Variants in STIM1 observed in about 807,000 individuals in gnomAD.
STIM1 encodes the protein stromal interaction molecule 1.
A neutral mutation model predicts 74.7 loss-of-function variants in STIM1; 25 were observed. That is an observed-to-expected ratio of 0.33 (90% CI 0.24 to 0.47). STIM1 has a LOEUF of 0.47. STIM1 is among the 20% of genes least tolerant of loss of function. The probability of loss-of-function intolerance (pLI) is 1.00; values close to 1 mark genes in which losing one functional copy is unlikely to be tolerated. For missense variants in STIM1, 728 were observed against 920.8 expected (o/e 0.79, Z 2.71); for synonymous variants, 328 against 348.8 (o/e 0.94, Z 0.66).
At chr11:3,929,821 G>A (rs1480038474) in intron 1 of STIM1, among the ~76,000 whole-genome samples, 3 of 152,042 alleles carry the variant, frequency 2.0e-5, no homozygotes, top group Admixed American at 1.3e-4. Flanking sequence ...TGCATGTCTC[G>A]GGCCACAGGT....
At chr11:4,030,538 A>G (rs2094041182) in intron 3 of STIM1, among the ~76,000 whole-genome samples, 1 of 152,198 alleles carries the variant, frequency 6.6e-6, no homozygotes, top group African/African-American at 2.4e-5. Context: ...CATTAAAAAA[A>G]TTATTTTTCT....
chr11:3,880,420 A>G (rs1019297417), intron 1 of STIM1, among the ~76,000 whole-genome samples: 3 of 152,126 alleles, frequency 2.0e-5, no homozygotes, highest in South Asian at 2.1e-4. Flanking sequence ...CCGTCTCCCA[A>G]GTTTCCAGTG....
intron 1 of STIM1, among the ~76,000 whole-genome samples, chr11:3,873,328 G>A (rs1442915315): frequency 6.7e-6 from 1 of 148,684 alleles, no homozygotes; most frequent in Non-Finnish European, 1.5e-5. Flanking sequence ...TGAGGCAGGA[G>A]AATCGCTTGA....
chr11:3,897,373 A>T (rs1166375814), intron 1 of STIM1, among the ~76,000 whole-genome samples: 1 of 152,182 alleles, frequency 6.6e-6, no homozygotes, highest in African/African-American at 2.4e-5. Context: ...GCTTATTGCG[A>T]TGGAGAAGAT....
At chr11:3,874,953 T>C (rs1010785443) in intron 1 of STIM1, among the ~76,000 whole-genome samples, 8 of 152,098 alleles carry the variant, frequency 5.3e-5, no homozygotes, top group African/African-American at 1.9e-4. Context: ...TTAGAGTTTG[T>C]ATCTTTTTTT....
chr11:4,081,413 G>A (rs2094464764), intron 7 of STIM1, among the ~76,000 whole-genome samples: 1 of 152,228 alleles, frequency 6.6e-6, no homozygotes, highest in Non-Finnish European at 1.5e-5. Flanking sequence ...GGCAATGCCT[G>A]TGTTAGGTGT....
intron 1 of STIM1, among the ~76,000 whole-genome samples, chr11:3,909,795 GA>G (rs5789316): frequency 2.7e-4 from 38 of 140,790 alleles, no homozygotes; most frequent in African/African-American, 9.2e-4. Context: ...CCATCTCAAA[GA>G]AAAAAAAAAA....
intron 1 of STIM1, among the ~76,000 whole-genome samples, chr11:3,935,757 G>A (rs933731093): frequency 1.1e-4 from 16 of 152,338 alleles, no homozygotes; most frequent in Admixed American, 8.5e-4. Context: ...GTAATTAAAT[G>A]TCTGTGAAAA....
chr11:4,000,677 G>A (rs1213046973), intron 2 of STIM1, among the ~76,000 whole-genome samples: 18 of 151,722 alleles, frequency 1.2e-4, no homozygotes, highest in Non-Finnish European at 8.8e-5. Flanking sequence ...AAAGCAGAGC[G>A]CCTCTCCTCC....
intron 3 of STIM1, among the ~76,000 whole-genome samples, chr11:4,039,120 T>G (rs1035578708): frequency 6.6e-6 from 1 of 152,102 alleles, no homozygotes. Flanking sequence ...TATCCAAAGC[T>G]TAGTAATTTT....
At chr11:3,978,149 T>A (rs2093466635) in intron 2 of STIM1, among the ~76,000 whole-genome samples, 1 of 125,316 alleles carries the variant, frequency 8.0e-6, no homozygotes, top group South Asian at 2.4e-4. Flanking sequence ...GCCTGTGTAC[T>A]TTTTTTTTTT....
At chr11:3,866,091 TC>T (rs1482733225) in intron 1 of STIM1, among the ~76,000 whole-genome samples, 1 of 152,186 alleles carries the variant, frequency 6.6e-6, no homozygotes, top group African/African-American at 2.4e-5. Context: ...GACACAGAGT[TC>T]CAGCCCCAGA....
chr11:4,055,711 T>C, intron 4 of STIM1, 74 bp downstream of exon 4: 1 of 1,172,304 alleles, frequency 8.5e-7, no homozygotes, highest in Non-Finnish European at 1.2e-6. Context: ...TTCAGATTGC[T>C]CTGGCCAGTT....
At chr11:4,085,757 G>C (rs141951141) in intron 11 of STIM1, among the ~76,000 whole-genome samples, 1 of 152,314 alleles carries the variant, frequency 6.6e-6, no homozygotes, top group Non-Finnish European at 1.5e-5. Flanking sequence ...GAATTAAAAT[G>C]GGGAAGTCAG....
intron 2 of STIM1, among the ~76,000 whole-genome samples, chr11:3,991,460 C>T (rs1161740019): frequency 1.3e-5 from 2 of 151,850 alleles, no homozygotes; most frequent in African/African-American, 2.4e-5. Flanking sequence ...CGTGAATCAC[C>T]GTGCCTGGCC....
intron 2 of STIM1, among the ~76,000 whole-genome samples, chr11:4,003,610 T>C (rs1043453702): frequency 6.6e-6 from 1 of 152,144 alleles, no homozygotes; most frequent in Non-Finnish European, 1.5e-5. Flanking sequence ...GAGCTATCTA[T>C]GACAGACCCA....
chr11:3,856,619 C>G (rs112182691), intron 1 of STIM1, among the ~76,000 whole-genome samples: 5 of 152,320 alleles, frequency 3.3e-5, no homozygotes, highest in African/African-American at 9.6e-5. Flanking sequence ...TTCCTCATCC[C>G]CCGCACTCAG....
At chr11:4,016,025 C>G (rs2093893367) in intron 2 of STIM1, among the ~76,000 whole-genome samples, 1 of 152,022 alleles carries the variant, frequency 6.6e-6, no homozygotes, top group East Asian at 1.9e-4. Flanking sequence ...TTATTACCGA[C>G]CTTCTGAAGC....
intron 4 of STIM1, among the ~76,000 whole-genome samples, chr11:4,057,886 AG>A (rs1465133224): frequency 4.0e-5 from 6 of 151,774 alleles, no homozygotes; most frequent in East Asian, 1.9e-4. Context: ...AAAAAAAAAA[AG>A]AAAGTGACAC....
Sources: gnomAD v4.1 joint callset for allele counts (sites outside exome capture counted in the v4.1 genomes callset) on GRCh38, gnomAD v4.1.1 for gene constraint, MANE v1.5 for transcripts, NCBI Gene and HGNC (gene_info 2026-07-23, HGNC 2026-07-21) for gene names.